The following TRPM3 variants were observed in gnomAD, a reference collection of about 807,000 sequenced individuals.
TRPM3 encodes long transient receptor potential channel 3.
Under a neutral mutation model 181.2 loss-of-function variants are expected in TRPM3, and 77 were observed. The observed-to-expected ratio is 0.42, with a 90% CI of 0.35 to 0.51. The LOEUF (loss-of-function observed/expected upper bound fraction) is 0.51, where lower values mean the gene tolerates loss of function less well. Among genes scored for constraint, TRPM3 ranks in the 20% least tolerant of loss-of-function variants. The pLI, the probability that TRPM3 is intolerant of heterozygous loss-of-function variation, is 0.01. For synonymous variants in TRPM3, 745 were observed against 796.4 expected (o/e 0.94, Z 1.09); for missense variants, 1,759 against 2,196.7 (o/e 0.80, Z 3.98).
At chr9:70,602,536 A>G (rs2060245629) in intron 20 of TRPM3, among the ~76,000 whole-genome samples, 1 of 152,200 alleles carries the variant, frequency 6.6e-6, no homozygotes, top group African/African-American at 2.4e-5. Flanking sequence ...CTGTCATTTC[A>G]GGAAAAATGC....
chr9:71,350,556 T>A (rs899318566), intron 1 of TRPM3, among the ~76,000 whole-genome samples: 4 of 152,246 alleles, frequency 2.6e-5, no homozygotes, highest in African/African-American at 4.8e-5. Context: ...TTTCACAGAA[T>A]AATTGAACTG....
chr9:71,144,539 T>C (rs975058972), intron 1 of TRPM3, among the ~76,000 whole-genome samples: 6 of 152,192 alleles, frequency 3.9e-5, no homozygotes, highest in Admixed American at 2.0e-4. Context: ...AGCTAAGGTT[T>C]TATTTTTTCC....
chr9:71,198,353 G>A (rs191324683), intron 1 of TRPM3, among the ~76,000 whole-genome samples: 5,603 of 151,806 alleles, frequency 0.037, 143 homozygotes, highest in Middle Eastern at 0.11. Context: ...TTGGTGATGC[G>A]GGCTCTTTTT....
chr9:71,320,255 G>A lies in TRPM3; in HGVS notation c.183+126398C>T, dbSNP rs569216704. On this transcript the variant is annotated intron_variant, in intron 1 of 24. Coordinates refer to the TRPM3 transcript ENST00000357533. Reference sequence around the variant, plus strand: ...ATTAAAAAGAACAGCAATACAGAGTGAAGCCAATTCTAGAATTACCTTTCT... The same window carrying A: ...ATTAAAAAGAACAGCAATACAGAGTAAAGCCAATTCTAGAATTACCTTTCT... 3.9e-5 allele frequency among the ~76,000 whole-genome samples: 6 copies of A among 151,988 alleles called. No homozygotes were observed. In the East Asian group the frequency reaches 9.7e-4, roughly 25 times the overall value.
chr9:70,970,326 C>T (rs765747530), intron 1 of TRPM3, among the ~76,000 whole-genome samples: 1 of 151,960 alleles, frequency 6.6e-6, no homozygotes, highest in South Asian at 2.1e-4. Flanking sequence ...TCCATTAGAC[C>T]GCACCTGCAT....
chr9:70,921,081 A>T (rs1238308821), intron 1 of TRPM3, among the ~76,000 whole-genome samples: 1 of 152,186 alleles, frequency 6.6e-6, no homozygotes, highest in African/African-American at 2.4e-5. Context: ...GTTTTTGGTT[A>T]ACAAGCAGAT....
At chr9:71,126,122 A>T (rs2074015105), upstream of TRPM3, among the ~76,000 whole-genome samples, 1 of 152,222 alleles carries the variant, frequency 6.6e-6, no homozygotes, top group African/African-American at 2.4e-5. Context: ...TATGGAAAAA[A>T]GCTCAACATC....
At chr9:71,428,777 G>T (rs574634194) in intron 1 of TRPM3, among the ~76,000 whole-genome samples, 1 of 152,112 alleles carries the variant, frequency 6.6e-6, no homozygotes, top group South Asian at 2.1e-4. Flanking sequence ...AACGAAAATG[G>T]ATTTATACTT....
intron 1 of TRPM3, among the ~76,000 whole-genome samples, chr9:71,429,767 G>A (rs753620747): frequency 7.9e-5 from 12 of 152,154 alleles, no homozygotes; most frequent in Non-Finnish European, 1.5e-4. Context: ...TGTGCACATA[G>A]GTTTGGAGTC....
intron 7 of TRPM3, among the ~76,000 whole-genome samples, chr9:70,768,966 T>C (rs572140053): frequency 8.7e-4 from 133 of 152,292 alleles, no homozygotes; most frequent in African/African-American, 3.1e-3. Context: ...TTTTCCAGTT[T>C]TCCTCATTCT....
chr9:70,915,233 CAA>C (rs1322283259), intron 1 of TRPM3, among the ~76,000 whole-genome samples: 1 of 152,024 alleles, frequency 6.6e-6, no homozygotes, highest in African/African-American at 2.4e-5. Flanking sequence ...TCAAATTTAA[CAA>C]AGAGATTGAA....
intron 1 of TRPM3, among the ~76,000 whole-genome samples, chr9:71,139,859 T>C (rs2074992216): frequency 6.6e-6 from 1 of 152,164 alleles, no homozygotes; most frequent in South Asian, 2.1e-4. Flanking sequence ...TTTCCAAGTA[T>C]CCTTTATATA....
chr9:71,195,405 G>GT (rs1426606026), intron 1 of TRPM3, among the ~76,000 whole-genome samples: 4 of 151,510 alleles, frequency 2.6e-5, no homozygotes, highest in African/African-American at 9.7e-5. Flanking sequence ...CAATATCACT[G>GT]TAAGATAGCA....
At position 71,065,881 on chromosome 9, in the gene TRPM3, G is replaced by C. The variant is rs187921875; in HGVS notation, c.177+55297C>G. ...GTGAGCCTGGGCATTTCTAGAGACT[G>C]ATATGCTAGAAAAACAAGCGATGAC... is the stretch of plus-strand genomic sequence containing the variant. On this transcript the variant is annotated intron_variant, in intron 1 of 25. Transcript: ENST00000677713. 1.6e-4 allele frequency among the ~76,000 whole-genome samples: 24 copies of C among 152,266 alleles called. No individual in the cohort carries two copies. The East Asian group carries it at 4.4e-3, about 28-fold the overall frequency.
intron 1 of TRPM3, among the ~76,000 whole-genome samples, chr9:71,169,043 G>A (rs923726272): frequency 6.6e-6 from 1 of 152,144 alleles, no homozygotes; most frequent in African/African-American, 2.4e-5. Flanking sequence ...TCAGGCATTG[G>A]CATCAGGGAG....
intron 1 of TRPM3, among the ~76,000 whole-genome samples, chr9:71,064,778 G>A (rs141117531): frequency 6.1e-4 from 93 of 152,210 alleles, no homozygotes; most frequent in Admixed American, 9.2e-4. Context: ...TTCTGTTGTA[G>A]TGACTAAATA....
At chr9:71,085,143 C>G (rs182915334) in intron 1 of TRPM3, among the ~76,000 whole-genome samples, 3 of 151,734 alleles carry the variant, frequency 2.0e-5, no homozygotes, top group Admixed American at 6.6e-5. Flanking sequence ...GATGGATTAC[C>G]GATTTAAATG....
chr9:70,945,650 G>A (rs1784020613), intron 1 of TRPM3, among the ~76,000 whole-genome samples: 1 of 152,110 alleles, frequency 6.6e-6, no homozygotes, highest in South Asian at 2.1e-4. Flanking sequence ...TTGGATTTCA[G>A]CTGACTATTG....
chr9:71,314,726 T>C (rs1188754491), intron 1 of TRPM3, among the ~76,000 whole-genome samples: 1 of 152,094 alleles, frequency 6.6e-6, no homozygotes, highest in Non-Finnish European at 1.5e-5. Flanking sequence ...TAAAGTCCCA[T>C]AATTTGAAGG....
Sources: gnomAD v4.1 joint callset for allele counts (sites outside exome capture counted in the v4.1 genomes callset) on GRCh38, gnomAD v4.1.1 for gene constraint, MANE v1.5 for transcripts, NCBI Gene and HGNC (gene_info 2026-07-23, HGNC 2026-07-21) for gene names.